Variants in TMEM132C observed in about 807,000 individuals in gnomAD.
TMEM132C encodes transmembrane protein 132C, also known as protein phosphatase 1, regulatory subunit 152.
In TMEM132C, 29 loss-of-function variants were observed where a neutral mutation model predicts 61.4. The observed-to-expected ratio is 0.47, with a 90% CI of 0.35 to 0.64. TMEM132C has a LOEUF of 0.64. TMEM132C is among the 30% of genes least tolerant of loss of function. The probability of loss-of-function intolerance (pLI) is 0.00; values close to 1 mark genes in which losing one functional copy is unlikely to be tolerated. For missense variants in TMEM132C, 1,408 were observed against 1,476.9 expected, an observed-to-expected ratio of 0.95 and a Z score of 0.76; for synonymous variants, 656 against 633.1, an observed-to-expected ratio of 1.04 and a Z score of -0.54.
At chr12:128,596,836 G>C (rs1000974145) in intron 3 of TMEM132C, among the ~76,000 whole-genome samples, 1 of 152,236 alleles carries the variant, frequency 6.6e-6, no homozygotes, top group African/African-American at 2.4e-5. Flanking sequence ...ACTGAAGACT[G>C]TTTGTTAATA....
At chr12:128,697,527 C>T in intron 8 of TMEM132C, 112 bp downstream of exon 8, 1 of 1,063,468 alleles carries the variant, frequency 9.4e-7, no homozygotes, top group Non-Finnish European at 1.3e-6. Flanking sequence ...GAACCATGTT[C>T]CACAATGGAA....
chr12:128,630,004 A>T lies in TMEM132C; in HGVS notation c.1305+13669A>T, dbSNP rs1282575572. Among the ~76,000 whole-genome samples the T allele has an allele frequency of 1.4e-5, 2 of 147,248 alleles. No individual in the cohort carries two copies. Among genetic ancestry groups the T allele is most frequent in the Admixed American group, 6.7e-5 (1 of 14,846 alleles). ...AAAAAAAGGCAAGAGGGTAGATCTC[A>T]TATTACCTGTTCTTACCATAATAAA... On this transcript the variant is annotated intron_variant, in intron 4 of 8. Transcript: ENST00000435159. This position sits in a 1 kb window ranked among gnomAD's most constrained non-coding sequence, Gnocchi z 4.3.
chr12:128,421,034 G>A (rs1356244530), intron 2 of TMEM132C, among the ~76,000 whole-genome samples: 2 of 152,220 alleles, frequency 1.3e-5, no homozygotes, highest in East Asian at 3.9e-4. Context: ...AGGTACAAGT[G>A]GTTTTTGGTT....
At chr12:128,346,179 G>T (rs558115962) in intron 1 of TMEM132C, among the ~76,000 whole-genome samples, 2 of 152,100 alleles carry the variant, frequency 1.3e-5, no homozygotes, top group Non-Finnish European at 2.9e-5. Context: ...CCCATTGCTT[G>T]TTTTTGTAAG....
At chr12:128,516,212 C>T (rs943416014) in intron 2 of TMEM132C, among the ~76,000 whole-genome samples, 1 of 152,132 alleles carries the variant, frequency 6.6e-6, no homozygotes, top group African/African-American at 2.4e-5. Context: ...ACTCATAACA[C>T]CTTTATCCAT....
At chr12:128,573,462 G>C (rs1874973552) in intron 3 of TMEM132C, among the ~76,000 whole-genome samples, 1 of 152,044 alleles carries the variant, frequency 6.6e-6, no homozygotes, top group Admixed American at 6.6e-5. Flanking sequence ...TGGGGTGGGG[G>C]GAGTGGGGAG....
At chr12:128,639,920 G>C (rs1288371332) in intron 4 of TMEM132C, among the ~76,000 whole-genome samples, 2 of 152,216 alleles carry the variant, frequency 1.3e-5, no homozygotes, top group Non-Finnish European at 1.5e-5. Flanking sequence ...GAAGTTCTTT[G>C]TCAGAATCTT....
At chr12:128,591,932 G>A (rs148850821) in intron 3 of TMEM132C, among the ~76,000 whole-genome samples, 2,039 of 151,716 alleles carry the variant, frequency 0.013, 48 homozygotes, top group African/African-American at 0.046. Context: ...CATGTCTGTA[G>A]TCCCAGCTAC....
chr12:128,296,248 A>G (rs964256701), intron 1 of TMEM132C, among the ~76,000 whole-genome samples: 1 of 152,222 alleles, frequency 6.6e-6, no homozygotes, highest in African/African-American at 2.4e-5. Flanking sequence ...GCTGCAAGTA[A>G]TAACAACACG....
Position 128,705,297 on chromosome 12 carries a change from G to A in TMEM132C, c.2329G>A (p.Glu777Lys), listed in dbSNP as rs1397203373. 19 of 1,551,272 alleles carry A rather than the reference G, an allele frequency of 1.2e-5. No homozygotes were observed. The highest frequency in any genetic ancestry group is 6.8e-5 in the African/African-American group (5 of 73,056). ...PLIRVDMTIA[E>K]ACQKSKRKSI... The stretch of plus-strand genomic sequence containing the variant: ...GATCCGAGTGGACATGACGATCGCC[G>A]AGGCCTGCCAGAAATCTAAACGCAA... Residue 777 changes from glutamate (E) to lysine (K), a missense_variant, in exon 9 of 9, where the codon GAG (glutamate) becomes AAG (lysine). By Grantham distance (56) the Glu-to-Lys change is moderately conservative. Coordinates refer to ENST00000435159, the MANE Select transcript of TMEM132C (RefSeq NM_001136103.3).
intron 6 of TMEM132C, among the ~76,000 whole-genome samples, chr12:128,695,030 A>G (rs1337099547): frequency 6.6e-6 from 1 of 152,206 alleles, no homozygotes; most frequent in Non-Finnish European, 1.5e-5. Context: ...GAGTTCATAC[A>G]TGTGGAAGCA....
chr12:128,522,500 C>G (rs942314874), intron 2 of TMEM132C, among the ~76,000 whole-genome samples: 1 of 152,190 alleles, frequency 6.6e-6, no homozygotes, highest in Non-Finnish European at 1.5e-5. Flanking sequence ...TCCATTGGAG[C>G]TCAGATTCAG....
At chr12:128,590,277 C>T (rs980630480) in intron 3 of TMEM132C, among the ~76,000 whole-genome samples, 2 of 152,242 alleles carry the variant, frequency 1.3e-5, no homozygotes, top group African/African-American at 4.8e-5. Flanking sequence ...GAGCTTACTA[C>T]TGCCTGTTAT....
intron 1 of TMEM132C, among the ~76,000 whole-genome samples, chr12:128,382,341 A>G (rs548390174): frequency 6.2e-4 from 94 of 152,344 alleles, no homozygotes; most frequent in African/African-American, 1.7e-3. Flanking sequence ...TGATAAAAAC[A>G]CAAGGTATTT....
chr12:128,544,203 T>C, intron 3 of TMEM132C, 100 bp downstream of exon 3: 1 of 1,397,470 alleles, frequency 7.2e-7, no homozygotes, highest in Non-Finnish European at 9.4e-7. Context: ...GAGCGGCTGC[T>C]CAGAGGAGCT....
At chr12:128,345,705 A>G (rs1490622850) in intron 1 of TMEM132C, among the ~76,000 whole-genome samples, 2 of 152,058 alleles carry the variant, frequency 1.3e-5, no homozygotes, top group Non-Finnish European at 2.9e-5. Context: ...GGCCGCATAT[A>G]TGTCTTCTTT....
chr12:128,356,587 C>T (rs1036872575), intron 1 of TMEM132C, among the ~76,000 whole-genome samples: 1 of 152,226 alleles, frequency 6.6e-6, no homozygotes, highest in African/African-American at 2.4e-5. Context: ...AAGTAGGGGG[C>T]TCTGCATGTT....
In TMEM132C at chr12:128,278,794, G is replaced by A. The variant is rs1266393350; in HGVS notation, c.85+11307G>A. ...TGTGTGTGTGTGTGTGTGTTTGGGTGAGATTAACAAATTGGTGGATTTTGA... is the reference window on the plus strand; with the variant it reads ...TGTGTGTGTGTGTGTGTGTTTGGGTAAGATTAACAAATTGGTGGATTTTGA... On this transcript the variant is annotated intron_variant, in intron 1 of 8. Coordinates refer to ENST00000435159, the MANE Select transcript of TMEM132C (RefSeq NM_001136103.3). This position sits in a 1 kb window ranked among gnomAD's most constrained non-coding sequence, Gnocchi z 4.2. Among the ~76,000 whole-genome samples, 1 of 150,836 alleles carries A rather than the reference G, an allele frequency of 6.6e-6. No homozygotes were observed. Among genetic ancestry groups the A allele is most frequent in the African/African-American group, 2.4e-5 (1 of 41,102 alleles).
intron 2 of TMEM132C, among the ~76,000 whole-genome samples, chr12:128,485,598 C>T (rs1871465127): frequency 6.6e-6 from 1 of 151,870 alleles, no homozygotes; most frequent in South Asian, 2.1e-4. Flanking sequence ...TGGGGTGCTA[C>T]TGTCATCTAG....
Sources: allele counts gnomAD v4.1 joint callset (sites outside exome capture counted in the v4.1 genomes callset), GRCh38; gene constraint gnomAD v4.1.1; non-coding constraint Gnocchi (gnomAD v3.1); transcripts MANE v1.5; gene names NCBI Gene and HGNC (gene_info 2026-07-23, HGNC 2026-07-21).